Variants in TRIM33 observed in about 807,000 individuals in gnomAD.
TRIM33 encodes the protein E3 ubiquitin-protein ligase TRIM33.
TRIM33 carries 20 observed loss-of-function variants against 125.4 expected under a neutral mutation model. The observed-to-expected ratio is 0.16, with a 90% confidence interval of 0.11 to 0.23. The LOEUF is 0.23. Ranked by LOEUF, TRIM33 falls within the 10% of genes least tolerant of loss-of-function variation. TRIM33 has a pLI of 1.00. For missense variants in TRIM33, 920 were observed against 1,411.4 expected, an observed-to-expected ratio of 0.65 and a Z score of 5.58; for synonymous variants, 564 against 513.9, an observed-to-expected ratio of 1.10 and a Z score of -1.32.
At chr1:114,486,231 G>A (rs916530146) in intron 1 of TRIM33, among the ~76,000 whole-genome samples, 5 of 152,042 alleles carry the variant, frequency 3.3e-5, no homozygotes, top group African/African-American at 1.2e-4. Context: ...AGCTGAGATC[G>A]CAACACTGAA....
At chr1:114,446,554 T>C in intron 4 of TRIM33, among the ~76,000 whole-genome samples, 1 of 151,842 alleles carries the variant, frequency 6.6e-6, no homozygotes, top group Non-Finnish European at 1.5e-5. Context: ...CAGCAATCGC[T>C]AAAAATAATA....
In TRIM33 at chr1:114,461,057, A is replaced by C. The variant is rs567282151; in HGVS notation, c.923+2047T>G. ...TATAGTAAGTCAGTCAGAATACCAG[A>C]GGCCGGGGCCAAGCTCAGTGGCTCA... is the stretch of plus-strand genomic sequence containing the variant. On this transcript the variant is annotated intron_variant, in intron 4 of 19. Transcript: ENST00000358465. Among the ~76,000 whole-genome samples, 420 of 151,770 alleles carry C rather than the reference A, an allele frequency of 2.8e-3. 1 individual carries two copies. Among genetic ancestry groups the C allele is most frequent in the Non-Finnish European group, 5.1e-3 (346 of 67,918 alleles).
chr1:114,494,489 A>G (rs1369980136), intron 1 of TRIM33, among the ~76,000 whole-genome samples: 5 of 152,220 alleles, frequency 3.3e-5, no homozygotes, highest in Non-Finnish European at 5.9e-5. Context: ...TTTACTCAAA[A>G]GCTAAAATAA....
intron 1 of TRIM33, among the ~76,000 whole-genome samples, chr1:114,477,552 T>A (rs1424294669): frequency 6.6e-6 from 1 of 152,172 alleles, no homozygotes; most frequent in Admixed American, 6.5e-5. Flanking sequence ...AGTACCTACC[T>A]CAAAGGTTGT....
intron 4 of TRIM33, among the ~76,000 whole-genome samples, chr1:114,461,895 T>C (rs1005837636): frequency 3.3e-5 from 5 of 152,154 alleles, no homozygotes; most frequent in Admixed American, 6.5e-5. Context: ...AAAAATTTAA[T>C]AAATATACTG....
intron 11 of TRIM33, among the ~76,000 whole-genome samples, chr1:114,419,277 CAA>C (rs144371459): frequency 0.015 from 2,289 of 150,952 alleles, 46 homozygotes; most frequent in African/African-American, 0.053. Flanking sequence ...TACAAGCCTG[CAA>C]AGAGACTGAT....
At chr1:114,493,065 C>T (rs1025982451) in intron 1 of TRIM33, among the ~76,000 whole-genome samples, 1 of 152,156 alleles carries the variant, frequency 6.6e-6, no homozygotes, top group Non-Finnish European at 1.5e-5. Context: ...CTTGCCAACA[C>T]TTTGTTGTTT....
chr1:114,498,884 T>C (rs1188524160), intron 1 of TRIM33, among the ~76,000 whole-genome samples: 1 of 150,910 alleles, frequency 6.6e-6, no homozygotes, highest in Non-Finnish European at 1.5e-5. Flanking sequence ...CAAGACTAAA[T>C]GAAAAAGCAT....
intron 4 of TRIM33, among the ~76,000 whole-genome samples, chr1:114,443,619 C>T (rs1187353568): frequency 6.6e-6 from 1 of 152,224 alleles, no homozygotes; most frequent in Admixed American, 6.5e-5. Flanking sequence ...CTATCTTACT[C>T]TTTAATAAAA....
intron 1 of TRIM33, among the ~76,000 whole-genome samples, chr1:114,509,064 G>T (rs1313137961): frequency 6.6e-6 from 1 of 151,834 alleles, no homozygotes; most frequent in Non-Finnish European, 1.5e-5. Context: ...CTAGATAACC[G>T]CCAGGATTCT....
Position 114,394,591 on chromosome 1 carries a change from C to A in TRIM33, c.*3057G>T, listed in dbSNP as rs1480720683. 9.6e-6 allele frequency: 2 copies of A among 207,398 alleles called. No homozygotes were observed. Among genetic ancestry groups the A allele is most frequent in the East Asian group, 7.3e-5 (1 of 13,740 alleles). 12.8% of individuals were successfully genotyped at this position (207,398 alleles called of 1,614,324 possible). A position where few individuals can be genotyped will look rare whatever the true frequency, so the allele number is the denominator to read the frequency against. ...AACTGACTTAGCATTACCTAAAATT[C>A]CCTTATGTTAAGATACAGAAGTCAG... On this transcript the variant is annotated 3_prime_UTR_variant, in exon 20 of 20. Coordinates refer to ENST00000358465, the MANE Select transcript of TRIM33 (RefSeq NM_015906.4).
At chr1:114,417,210 T>C (rs1217818544) in intron 11 of TRIM33, among the ~76,000 whole-genome samples, 1 of 152,130 alleles carries the variant, frequency 6.6e-6, no homozygotes, top group African/African-American at 2.4e-5. Flanking sequence ...GAGAAGGATA[T>C]GAGTGACTGC....
chr1:114,405,645 T>C lies in TRIM33; in HGVS notation c.2533A>G (p.Met845Val), dbSNP rs772474065. ...CCTGACTGTTTGCAGCTTTCATTCA[T>C]ATCTGCAGGTTCAATTTTCACATGG... ...ENHVKIEPAD[M>V]NESCKQSGLS... The change falls in exon 15 of 20, where the codon ATG (methionine) becomes GTG (valine). Residue 845 changes from methionine (M) to valine (V), a missense_variant. Physicochemically the swap from Met to Val is conservative, Grantham distance 21. This residue lies in a region of TRIM33 where 407 missense variants were observed against 589.7 expected (regional missense o/e 0.69). Transcript: ENST00000358465. The C allele has an allele frequency of 1.5e-5, 25 of 1,614,204 alleles. No individual in the cohort carries two copies. The South Asian group carries it at 2.2e-4, about 14-fold the overall frequency.
At chr1:114,441,150 A>G (rs1648626613) in intron 4 of TRIM33, among the ~76,000 whole-genome samples, 1 of 152,152 alleles carries the variant, frequency 6.6e-6, no homozygotes, top group South Asian at 2.1e-4. Flanking sequence ...TGGACAAAAC[A>G]TTTTAAAAAA....
At position 114,499,699 on chromosome 1, in the gene TRIM33, C is replaced by G. The variant is rs1271320670; in HGVS notation, c.526+10852G>C. On this transcript the variant is annotated intron_variant, in intron 1 of 19. Coordinates refer to ENST00000358465, the MANE Select transcript of TRIM33 (RefSeq NM_015906.4). ...GGCTTGTTCCCTAAAACCAGTCTGG[C>G]AGATTTCATAAAGCCCTAGTGAACA... 2.0e-5 allele frequency among the ~76,000 whole-genome samples: 3 copies of G among 152,266 alleles called. No individual in the cohort carries two copies. The East Asian group carries it at 5.8e-4, about 29-fold the overall frequency.
chr1:114,435,232 C>CTG (rs1226568898), intron 4 of TRIM33, among the ~76,000 whole-genome samples: 1 of 152,144 alleles, frequency 6.6e-6, no homozygotes, highest in Admixed American at 6.5e-5. Context: ...GACAGTAACT[C>CTG]ATATCAGAGA....
At chr1:114,401,674 A>G (rs1350288058) in intron 16 of TRIM33, among the ~76,000 whole-genome samples, 1 of 152,224 alleles carries the variant, frequency 6.6e-6, no homozygotes, top group African/African-American at 2.4e-5. Context: ...TACTTTAAGT[A>G]AGAATGGAAG....
At chr1:114,482,619 C>T (rs1651429510) in intron 1 of TRIM33, among the ~76,000 whole-genome samples, 1 of 152,168 alleles carries the variant, frequency 6.6e-6, no homozygotes, top group South Asian at 2.1e-4. Context: ...TGTGTCCCCA[C>T]CCAAATCTCA....
Position 114,417,655 on chromosome 1 carries a change from A to C in TRIM33, c.2061+3781T>G, listed in dbSNP as rs1653021306. Among the ~76,000 whole-genome samples the C allele has an allele frequency of 3.9e-5, 6 of 152,022 alleles. No individual in the cohort carries two copies. The South Asian group carries it at 1.2e-3, about 32-fold the overall frequency. The stretch of plus-strand genomic sequence containing the variant: ...AAAACTCCAACTTTTCTTATTATTT[A>C]TTTATTTATTTATTTTTCTTGAGAT... On this transcript the variant is annotated intron_variant, in intron 11 of 19. Coordinates refer to ENST00000358465, the MANE Select transcript of TRIM33 (RefSeq NM_015906.4).
Sources: allele counts gnomAD v4.1 joint callset (sites outside exome capture counted in the v4.1 genomes callset), GRCh38; gene constraint gnomAD v4.1.1; regional missense constraint gnomAD v4.1.1; transcripts MANE v1.5; gene names NCBI Gene and HGNC (gene_info 2026-07-23, HGNC 2026-07-21).